The following E2F7 variants were observed in gnomAD, a reference collection of about 807,000 sequenced individuals.
The protein encoded by E2F7 is transcription factor E2F7.
Under a neutral mutation model 81.1 loss-of-function variants are expected in E2F7, and 35 were observed. That is an observed-to-expected ratio of 0.43 (90% CI 0.33 to 0.57). The LOEUF is 0.57. E2F7 is among the 20% of genes least tolerant of loss of function. The pLI, the probability that E2F7 is intolerant of heterozygous loss-of-function variation, is 0.04. For missense variants in E2F7, 961 were observed against 1,093.7 expected (o/e 0.88, Z 1.71); for synonymous variants, 416 against 416.2 (o/e 1.00, Z 0.01).
intron 1 of E2F7, 155 bp from the exon 2 acceptor site, chr12:77,064,790 C>G (rs1042658930): frequency 3.2e-5 from 19 of 601,856 alleles, no homozygotes; most frequent in Non-Finnish European, 4.0e-5. Context: ...CCACCCTCAA[C>G]TTTCTAAAAC....
At chr12:77,045,855 A>G (rs987946523) in intron 5 of E2F7, 183 bp downstream of exon 5, 4 of 718,566 alleles carry the variant, frequency 5.6e-6, no homozygotes, top group African/African-American at 5.3e-5. Flanking sequence ...GTTTATTTCA[A>G]TGAGGTCAAG....
At position 77,027,915 on chromosome 12, in the gene E2F7, AAAG is replaced by A; in HGVS notation, c.2105_2107del (p.Ser702del). 1.9e-6 allele frequency: 3 copies of A among 1,614,238 alleles called. No individual in the cohort carries two copies. Among genetic ancestry groups the A allele is most frequent in the Non-Finnish European group, 2.5e-6 (3 of 1,180,044 alleles). On this transcript the variant is annotated inframe_deletion, in exon 11 of 13. Coordinates refer to ENST00000322886, the MANE Select transcript of E2F7 (RefSeq NM_203394.3). The stretch of plus-strand genomic sequence containing the variant: ...AGACTGCACACAAAGATATTGTAGC[AAAG>A]AAGGCTCTTTGGTGCTTTCATTTTC...
At chr12:77,029,569 CTA>C (rs756909422) in intron 10 of E2F7, among the ~76,000 whole-genome samples, 7 of 152,188 alleles carry the variant, frequency 4.6e-5, no homozygotes, top group Non-Finnish European at 8.8e-5. Context: ...AGTGATGCCT[CTA>C]TGTGGTGGGA....
intron 7 of E2F7, among the ~76,000 whole-genome samples, chr12:77,039,272 T>C (rs977787165): frequency 5.3e-5 from 8 of 152,190 alleles, no homozygotes; most frequent in Non-Finnish European, 1.2e-4. Flanking sequence ...ACTGAAAGCA[T>C]GTCCCACTAA....
chr12:77,053,196 C>G (rs1334677994), intron 3 of E2F7, among the ~76,000 whole-genome samples: 1 of 152,104 alleles, frequency 6.6e-6, no homozygotes, highest in Non-Finnish European at 1.5e-5. Context: ...CCAAGGACCC[C>G]TTTATGTTCT....
intron 1 of E2F7, 54 bp from the exon 2 acceptor site, chr12:77,064,689 C>G: frequency 6.8e-7 from 1 of 1,467,750 alleles, no homozygotes; most frequent in Non-Finnish European, 9.5e-7. Context: ...ATTTTTTCCT[C>G]AAACAAAAAT....
intron 3 of E2F7, among the ~76,000 whole-genome samples, chr12:77,051,254 T>C (rs369803916): frequency 6.6e-6 from 1 of 152,224 alleles, no homozygotes; most frequent in Non-Finnish European, 1.5e-5. Flanking sequence ...TATTCTTCCT[T>C]ATCCTTTTAT....
intron 8 of E2F7, 70 bp downstream of exon 8, chr12:77,033,787 G>C (rs1954824992): frequency 7.0e-7 from 1 of 1,425,242 alleles, no homozygotes; most frequent in African/African-American, 1.5e-5. Flanking sequence ...CAGCACGTGG[G>C]TGCTGCACTG....
At chr12:77,054,728 C>T (rs896465596) in intron 3 of E2F7, among the ~76,000 whole-genome samples, 4 of 152,080 alleles carry the variant, frequency 2.6e-5, no homozygotes, top group Admixed American at 6.5e-5. Flanking sequence ...AGGTCACTAA[C>T]GATTCCCATT....
At chr12:77,048,934 G>A (rs971731213) in intron 4 of E2F7, among the ~76,000 whole-genome samples, 1 of 152,162 alleles carries the variant, frequency 6.6e-6, no homozygotes, top group African/African-American at 2.4e-5. Flanking sequence ...GGAAGAAGTA[G>A]GCTTCATGAA....
chr12:77,043,135 C>T lies in E2F7; in HGVS notation c.1053G>A (p.Val351=). 3.7e-6 allele frequency: 6 copies of T among 1,614,194 alleles called. No homozygotes were observed. Among genetic ancestry groups the T allele is most frequent in the African/African-American group, 1.3e-5 (1 of 75,044 alleles). Residue 351 remains valine, a synonymous_variant, in exon 7 of 13, where the codon GTG becomes GTA. Transcript: ENST00000322886. ...VLTSLALIKK[V]HVTEERGRKP... is the part of the protein sequence containing the mutation. Reference sequence around the variant, plus strand: ...TACGACCTCGCTCTTCTGTTACATGCACTTTCTTTATCAGAGCCAAGCTGG... The same window carrying T: ...TACGACCTCGCTCTTCTGTTACATGTACTTTCTTTATCAGAGCCAAGCTGG...
chr12:77,028,108 G>A lies in E2F7; in HGVS notation c.1915C>T (p.Pro639Ser). 2 of 1,614,158 alleles carry A rather than the reference G, an allele frequency of 1.2e-6. No homozygotes were observed. Among genetic ancestry groups the A allele is most frequent in the Non-Finnish European group, 1.7e-6 (2 of 1,180,032 alleles). ...KPSDSTDLAS[P>S]KTMGNRASIP... ...GATGCCCTGTTACCCATAGTCTTGG[G>A]AGAGGCAAGGTCTGTGGAATCTGAG... Residue 639 changes from proline (P) to serine (S), a missense_variant, in exon 11 of 13, where the codon CCC becomes TCC. Transcript: ENST00000322886.
rs920488331 is a variant in E2F7, at chr12:77,022,232, T to C, written c.*1783A>G. The stretch of plus-strand genomic sequence containing the variant: ...GAAAAAGGTATATTTTTATTTGTTT[T>C]GATAGGGAACCCATCAGTTTTAGTT... On this transcript the variant is annotated 3_prime_UTR_variant, in exon 13 of 13. Coordinates refer to ENST00000322886, the MANE Select transcript of E2F7 (RefSeq NM_203394.3). 1 of 152,230 alleles carries C rather than the reference T, an allele frequency of 6.6e-6. No individual in the cohort carries two copies. Among genetic ancestry groups the C allele is most frequent in the Non-Finnish European group, 1.5e-5 (1 of 68,026 alleles). The allele number at this position is 152,230 out of a possible 1,614,324, so 9.4% of individuals were successfully genotyped here. A position where few individuals can be genotyped will look rare whatever the true frequency, so the allele number is the denominator to read the frequency against.
chr12:77,043,661 C>T (rs1954914387), intron 6 of E2F7, among the ~76,000 whole-genome samples: 1 of 152,006 alleles, frequency 6.6e-6, no homozygotes, highest in African/African-American at 2.4e-5. Flanking sequence ...CTCCTGGGCA[C>T]ACAGGATGCT....
At chr12:77,057,528 C>T (rs1955043017) in intron 2 of E2F7, among the ~76,000 whole-genome samples, 1 of 152,140 alleles carries the variant, frequency 6.6e-6, no homozygotes. Flanking sequence ...TTTTTAAGTG[C>T]TTAACTCTCA....
chr12:77,035,247 G>C (rs1954839211), intron 7 of E2F7, among the ~76,000 whole-genome samples: 1 of 152,230 alleles, frequency 6.6e-6, no homozygotes, highest in Non-Finnish European at 1.5e-5. Flanking sequence ...GGCAGCTAGG[G>C]TTTGCAGGGC....
intron 9 of E2F7, 51 bp downstream of exon 9, chr12:77,032,999 A>T: frequency 6.5e-7 from 1 of 1,542,786 alleles, no homozygotes; most frequent in Non-Finnish European, 8.8e-7. Flanking sequence ...AGTCAAAGTT[A>T]ACACTAGGAG....
intron 10 of E2F7, among the ~76,000 whole-genome samples, chr12:77,029,309 T>C (rs1954784380): frequency 6.6e-6 from 1 of 152,246 alleles, no homozygotes; most frequent in African/African-American, 2.4e-5. Context: ...CATTAACCTC[T>C]GAATGGCTAC....
intron 7 of E2F7, among the ~76,000 whole-genome samples, chr12:77,041,480 T>A (rs1433792064): frequency 6.6e-6 from 1 of 152,162 alleles, no homozygotes; most frequent in Non-Finnish European, 1.5e-5. Flanking sequence ...TGTGAGCCAC[T>A]GTGCCCAGCC....
Sources: allele counts gnomAD v4.1 joint callset (sites outside exome capture counted in the v4.1 genomes callset), GRCh38; gene constraint gnomAD v4.1.1; transcripts MANE v1.5; gene names NCBI Gene and HGNC (gene_info 2026-07-23, HGNC 2026-07-21).